The following CDH4 variants were observed in gnomAD, a reference collection of about 807,000 sequenced individuals.
The protein encoded by CDH4 is cadherin 4.
In CDH4, 33 loss-of-function variants were observed where a neutral mutation model predicts 86.0. The ratio of observed to expected loss-of-function variants is 0.38; its 90% CI spans 0.29 to 0.51. The LOEUF (loss-of-function observed/expected upper bound fraction) is 0.51. Ranked by LOEUF, CDH4 falls within the 20% of genes least tolerant of loss-of-function variation. CDH4 has a pLI of 0.86. For synonymous variants in CDH4, 555 were observed against 549.4 expected (o/e 1.01, Z -0.14); for missense variants, 1,114 against 1,307.4 (o/e 0.85, Z 2.28).
intron 11 of CDH4, among the ~76,000 whole-genome samples, chr20:61,926,892 GA>G (rs1341723906): frequency 6.6e-6 from 1 of 152,102 alleles, no homozygotes; most frequent in South Asian, 2.1e-4. Flanking sequence ...AAAAAAGAAA[GA>G]AAGTGATTGT....
intron 2 of CDH4, among the ~76,000 whole-genome samples, chr20:61,523,312 C>T (rs558602549): frequency 3.3e-4 from 50 of 152,372 alleles, no homozygotes; most frequent in Non-Finnish European, 6.2e-4. Context: ...AGCGGGCCCA[C>T]GCTGGTCTCT....
At chr20:61,921,198 C>G (rs74983211) in intron 9 of CDH4, among the ~76,000 whole-genome samples, 8 of 143,266 alleles carry the variant, frequency 5.6e-5, no homozygotes, top group African/African-American at 1.6e-4. Flanking sequence ...AGCGTGGTGT[C>G]GTGATTGCAT....
intron 3 of CDH4, among the ~76,000 whole-genome samples, chr20:61,752,530 C>T (rs749163322): frequency 2.6e-5 from 4 of 152,150 alleles, no homozygotes; most frequent in Non-Finnish European, 4.4e-5. Flanking sequence ...TTGGTGTATG[C>T]CCATAGCAGT....
At chr20:61,308,801 G>C (rs1362434770) in intron 2 of CDH4, among the ~76,000 whole-genome samples, 1 of 152,218 alleles carries the variant, frequency 6.6e-6, no homozygotes, top group East Asian at 1.9e-4. Context: ...GTTAGACTTT[G>C]CTGTCAGAAA....
At chr20:61,570,830 T>G in intron 2 of CDH4, 1 of 700,686 alleles carries the variant, frequency 1.4e-6, no homozygotes, top group Admixed American at 2.0e-5. Flanking sequence ...TTGCTGCTGT[T>G]TTCTTCCCCT....
rs777016060 is a variant in CDH4 at position 61,923,591 on chromosome 20, C to T, written c.1515C>T (p.Pro505=). The change falls in exon 10 of 16, where the codon CCC becomes CCT. Residue 505 remains proline (P), a synonymous_variant. Transcript: ENST00000614565. ...TISIMDINEA[P]YFPSNHKLIR... Reference sequence around the variant, plus strand: ...CCATCATGGACATCAACGAGGCTCCCTACTTCCCCTCAAACCACAAGCTGA... The same window carrying T: ...CCATCATGGACATCAACGAGGCTCCTTACTTCCCCTCAAACCACAAGCTGA... 22 of 1,614,070 alleles carry T rather than the reference C, an allele frequency of 1.4e-5. No individual in the cohort carries two copies. The highest frequency in any genetic ancestry group is 1.8e-5 in the Non-Finnish European group (21 of 1,180,036).
intron 2 of CDH4, among the ~76,000 whole-genome samples, chr20:61,591,785 C>T (rs2086520963): frequency 6.6e-6 from 1 of 152,150 alleles, no homozygotes; most frequent in Admixed American, 6.5e-5. Flanking sequence ...AATTGGTTTT[C>T]TGAATTACGC....
Position 61,873,919 on chromosome 20 carries a change from T to C in CDH4, c.1050+19T>C. 6.8e-6 allele frequency: 11 copies of C among 1,610,678 alleles called. No homozygotes were observed. The highest frequency in any genetic ancestry group is 7.6e-6 in the Non-Finnish European group (9 of 1,178,760). ...CCGAGAGGTGAGGCGGGGTGGGGTC[T>C]GCGTGCAGGCGGGTGAGCTCCTGGT... On this transcript the variant is annotated intron_variant, in intron 7 of 15. Transcript: ENST00000614565.
At chr20:61,805,675 T>G (rs1191284843) in intron 4 of CDH4, among the ~76,000 whole-genome samples, 1 of 152,132 alleles carries the variant, frequency 6.6e-6, no homozygotes, top group South Asian at 2.1e-4. Context: ...AGAGGTATGT[T>G]TAAAACTCCC....
At chr20:61,587,602 C>T (rs901634403) in intron 2 of CDH4, among the ~76,000 whole-genome samples, 9 of 152,000 alleles carry the variant, frequency 5.9e-5, no homozygotes, top group African/African-American at 2.2e-4. Flanking sequence ...TTTGACTCCG[C>T]TCCTTCCCCA....
At chr20:61,391,441 G>C (rs987669496) in intron 2 of CDH4, among the ~76,000 whole-genome samples, 14 of 152,132 alleles carry the variant, frequency 9.2e-5, no homozygotes, top group African/African-American at 3.4e-4. Context: ...CACCACCTGC[G>C]CCCTCCGAAC....
intron 2 of CDH4, among the ~76,000 whole-genome samples, chr20:61,671,683 ATGGG>A (rs965172069): frequency 6.7e-6 from 1 of 149,576 alleles, no homozygotes; most frequent in African/African-American, 2.5e-5. Context: ...TGGTGGATGG[ATGGG>A]TGGGTGGGTG....
intron 2 of CDH4, among the ~76,000 whole-genome samples, chr20:61,520,131 C>T (rs2085858119): frequency 6.6e-6 from 1 of 152,220 alleles, no homozygotes. Context: ...GTGGGCATCA[C>T]CAGCAGAAAT....
At chr20:61,378,180 C>G (rs545104056) in intron 2 of CDH4, among the ~76,000 whole-genome samples, 2 of 152,104 alleles carry the variant, frequency 1.3e-5, no homozygotes, top group African/African-American at 4.8e-5. Context: ...CTTGAGCCCA[C>G]GAGGTTGAGT....
At chr20:61,301,991 C>T (rs977607036) in intron 2 of CDH4, among the ~76,000 whole-genome samples, 5 of 152,140 alleles carry the variant, frequency 3.3e-5, no homozygotes, top group African/African-American at 1.2e-4. Flanking sequence ...TTGGAAGTTG[C>T]CCAAAACGTC....
intron 2 of CDH4, among the ~76,000 whole-genome samples, chr20:61,373,172 G>T (rs926475453): frequency 6.6e-6 from 1 of 152,126 alleles, no homozygotes; most frequent in Non-Finnish European, 1.5e-5. Flanking sequence ...CGACACTCCC[G>T]CCCCCGTCTC....
chr20:61,282,752 A>G (rs1009672573), intron 2 of CDH4, among the ~76,000 whole-genome samples: 1 of 152,218 alleles, frequency 6.6e-6, no homozygotes, highest in Admixed American at 6.5e-5. Context: ...TGTAAATGTG[A>G]TGTGCTGTGT....
intron 2 of CDH4, among the ~76,000 whole-genome samples, chr20:61,687,053 G>T (rs2087589490): frequency 6.6e-6 from 1 of 151,738 alleles, no homozygotes; most frequent in Non-Finnish European, 1.5e-5. Context: ...CTGCTCCGAA[G>T]ATTTCCAAGG....
chr20:61,923,972 ACT>A (rs746757832), intron 10 of CDH4, among the ~76,000 whole-genome samples: 2 of 152,054 alleles, frequency 1.3e-5, no homozygotes, highest in African/African-American at 2.4e-5. Context: ...TCCTGGCCAC[ACT>A]CTCATAGCTA....
Sources: allele counts gnomAD v4.1 joint callset (sites outside exome capture counted in the v4.1 genomes callset), GRCh38; gene constraint gnomAD v4.1.1; transcripts MANE v1.5; gene names NCBI Gene and HGNC (gene_info 2026-07-23, HGNC 2026-07-21).